Variants in NUMB observed in about 807,000 individuals in gnomAD.
The protein encoded by NUMB is protein numb homolog.
In NUMB, 29 loss-of-function variants were observed where a neutral mutation model predicts 59.7. That is an observed-to-expected ratio of 0.49 (90% CI 0.36 to 0.66). The LOEUF (loss-of-function observed/expected upper bound fraction) is 0.66. Ranked by LOEUF, NUMB falls within the 30% of genes least tolerant of loss-of-function variation. The probability of loss-of-function intolerance (pLI) is 0.00; values close to 1 mark genes in which losing one functional copy is unlikely to be tolerated. For missense variants in NUMB, 723 were observed against 822.0 expected (o/e 0.88, Z 1.47); for synonymous variants, 288 against 288.2 (o/e 1.00, Z 0.01).
intron 4 of NUMB, among the ~76,000 whole-genome samples, chr14:73,328,521 T>C (rs1385945788): frequency 6.6e-6 from 1 of 152,218 alleles, no homozygotes; most frequent in Non-Finnish European, 1.5e-5. Context: ...CAAAATGTCA[T>C]CACAATTTTA....
chr14:73,289,441 A>G lies in NUMB; in HGVS notation c.451-2127T>C, dbSNP rs1225750178. On this transcript the variant is annotated intron_variant, in intron 8 of 12. Transcript: ENST00000555238. Reference sequence around the variant, plus strand: ...GGAATAAAAAAGCTAGAGATGGTACAATAATTGTTGGCATCATTCACAGTG... The same window carrying G: ...GGAATAAAAAAGCTAGAGATGGTACGATAATTGTTGGCATCATTCACAGTG... 2.0e-5 allele frequency among the ~76,000 whole-genome samples: 3 copies of G among 152,318 alleles called. No homozygotes were observed. The East Asian group carries it at 5.8e-4, about 29-fold the overall frequency.
chr14:73,340,165 T>C (rs975531252), intron 4 of NUMB, among the ~76,000 whole-genome samples: 8 of 152,248 alleles, frequency 5.3e-5, no homozygotes, highest in African/African-American at 1.9e-4. Flanking sequence ...TGCTGGGCCC[T>C]GGCTGCCAGT....
intron 2 of NUMB, among the ~76,000 whole-genome samples, chr14:73,396,799 A>C (rs1207949317): frequency 6.6e-6 from 1 of 152,186 alleles, no homozygotes; most frequent in Non-Finnish European, 1.5e-5. Context: ...AAAATTTAGC[A>C]TGTATCAGAA....
chr14:73,306,764 G>A (rs764931457), intron 6 of NUMB, among the ~76,000 whole-genome samples: 4 of 152,204 alleles, frequency 2.6e-5, no homozygotes, highest in Admixed American at 6.5e-5. Context: ...TGGTAACCAT[G>A]TCTTTACCTA....
chr14:73,358,489 T>C (rs371467664), intron 3 of NUMB, among the ~76,000 whole-genome samples: 43 of 152,244 alleles, frequency 2.8e-4, no homozygotes, highest in Admixed American at 1.6e-3. Context: ...AGAGCCTCTG[T>C]ATATGTTCCT....
intron 6 of NUMB, among the ~76,000 whole-genome samples, chr14:73,309,718 T>TATAATAATA (rs199953380): frequency 0.051 from 6,951 of 137,074 alleles, 187 homozygotes; most frequent in East Asian, 0.054. Context: ...GAACTTAAGG[T>TATAATAATA]ATAATAATAA....
chr14:73,282,138 A>G, intron 11 of NUMB: 1 of 465,722 alleles, frequency 2.1e-6, no homozygotes, highest in Non-Finnish European at 3.8e-6. Flanking sequence ...GGGGTGAAAG[A>G]TGGGCACATG....
intron 1 of NUMB, among the ~76,000 whole-genome samples, chr14:73,444,855 C>CAG (rs1555384145): frequency 1.7e-5 from 2 of 118,518 alleles, no homozygotes; most frequent in Non-Finnish European, 3.4e-5. Flanking sequence ...CACTCCGTCT[C>CAG]AAAAAAAAAA....
chr14:73,428,920 T>A (rs1483385045), intron 1 of NUMB, among the ~76,000 whole-genome samples: 1 of 152,222 alleles, frequency 6.6e-6, no homozygotes, highest in South Asian at 2.1e-4. Flanking sequence ...GTAATTTATA[T>A]ATACTCTCCT....
At chr14:73,380,660 G>A (rs115784388) in intron 2 of NUMB, among the ~76,000 whole-genome samples, 3,091 of 150,802 alleles carry the variant, frequency 0.02, 103 homozygotes, top group African/African-American at 0.071. Context: ...AGTAGAATTT[G>A]TGTTTTATAG....
chr14:73,387,187 G>A (rs1017108993), intron 2 of NUMB, among the ~76,000 whole-genome samples: 23 of 151,960 alleles, frequency 1.5e-4, no homozygotes, highest in African/African-American at 5.3e-4. Flanking sequence ...CGGCCTATCA[G>A]GTGTCTTATT....
chr14:73,398,893 T>G (rs1294762165), intron 2 of NUMB, among the ~76,000 whole-genome samples: 1 of 152,130 alleles, frequency 6.6e-6, no homozygotes, highest in African/African-American at 2.4e-5. Flanking sequence ...CGGTATATAC[T>G]AGAGTAACCT....
chr14:73,291,550 G>C (rs192981197), intron 8 of NUMB, among the ~76,000 whole-genome samples: 1 of 151,268 alleles, frequency 6.6e-6, no homozygotes. Flanking sequence ...GCTAACTTTT[G>C]CATTTTTAGT....
intron 1 of NUMB, among the ~76,000 whole-genome samples, chr14:73,447,063 GT>G (rs1883567294): frequency 6.7e-6 from 1 of 148,710 alleles, no homozygotes; most frequent in African/African-American, 2.5e-5. Context: ...GGCGCACCCT[GT>G]AGTCCCAGCT....
intron 2 of NUMB, among the ~76,000 whole-genome samples, chr14:73,384,359 G>A (rs1441975305): frequency 1.3e-5 from 2 of 151,954 alleles, no homozygotes; most frequent in Non-Finnish European, 2.9e-5. Flanking sequence ...AAAAGGTTGG[G>A]ATTACAGGCT....
At chr14:73,384,316 C>G (rs1462505936) in intron 2 of NUMB, among the ~76,000 whole-genome samples, 1 of 151,964 alleles carries the variant, frequency 6.6e-6, no homozygotes, top group Non-Finnish European at 1.5e-5. Flanking sequence ...GTCTCGATCT[C>G]CTGACCTCAT....
intron 1 of NUMB, among the ~76,000 whole-genome samples, chr14:73,445,866 T>C (rs1031457035): frequency 2.6e-5 from 4 of 152,064 alleles, no homozygotes; most frequent in Non-Finnish European, 5.9e-5. Flanking sequence ...CAGCCCCCAA[T>C]GTGGGGGAGG....
chr14:73,408,181 T>G (rs1896758881), intron 2 of NUMB, among the ~76,000 whole-genome samples: 1 of 151,526 alleles, frequency 6.6e-6, no homozygotes, highest in Admixed American at 6.6e-5. Flanking sequence ...GAGCTGAGAT[T>G]GCGCCACTGC....
At chr14:73,441,767 T>C (rs1356015148) in intron 1 of NUMB, among the ~76,000 whole-genome samples, 1 of 151,834 alleles carries the variant, frequency 6.6e-6, no homozygotes, top group Non-Finnish European at 1.5e-5. Context: ...TCCTAGCTAC[T>C]AGGGAGGCTG....
Sources: gnomAD v4.1 joint callset for allele counts (sites outside exome capture counted in the v4.1 genomes callset) on GRCh38, gnomAD v4.1.1 for gene constraint, MANE v1.5 for transcripts, NCBI Gene and HGNC (gene_info 2026-07-23, HGNC 2026-07-21) for gene names.